Variants in NRXN3 observed in about 807,000 individuals in gnomAD.
NRXN3 encodes neurexin III.
A neutral mutation model predicts 137.6 loss-of-function variants in NRXN3; 32 were observed. That is an observed-to-expected ratio of 0.23 (90% CI 0.18 to 0.31). The LOEUF is 0.31. Ranked by LOEUF, NRXN3 falls within the 10% of genes least tolerant of loss-of-function variation. NRXN3 has a pLI of 1.00. For synonymous variants in NRXN3, 798 were observed against 784.5 expected, an observed-to-expected ratio of 1.02 and a Z score of -0.29; for missense variants, 1,574 against 2,062.5, an observed-to-expected ratio of 0.76 and a Z score of 4.59.
At chr14:78,849,772 T>C (rs1368335337) in intron 10 of NRXN3, among the ~76,000 whole-genome samples, 1 of 152,052 alleles carries the variant, frequency 6.6e-6, no homozygotes, top group Non-Finnish European at 1.5e-5. Flanking sequence ...AGCCAACATG[T>C]TGCTCTTCAA....
At chr14:79,632,309 A>T (rs989820568) in intron 16 of NRXN3, 1 of 156,564 alleles carries the variant, frequency 6.4e-6, no homozygotes, top group Non-Finnish European at 1.4e-5. Context: ...TCTTGAAGTC[A>T]GCGAGACCAA....
intron 15 of NRXN3, among the ~76,000 whole-genome samples, chr14:79,392,621 C>G (rs984430010): frequency 6.6e-6 from 1 of 152,050 alleles, no homozygotes; most frequent in Non-Finnish European, 1.5e-5. Flanking sequence ...TAGAGAAATG[C>G]AAATCAAAAC....
chr14:78,771,309 A>G (rs116162180), intron 8 of NRXN3, among the ~76,000 whole-genome samples: 59 of 152,290 alleles, frequency 3.9e-4, no homozygotes, highest in African/African-American at 1.4e-3. Context: ...GACACCTCAG[A>G]TGGATTCTAG....
At chr14:79,402,102 T>G (rs1317438465) in intron 15 of NRXN3, among the ~76,000 whole-genome samples, 1 of 151,668 alleles carries the variant, frequency 6.6e-6, no homozygotes, top group African/African-American at 2.4e-5. Context: ...TTTATTTTAT[T>G]TTTTTTTATT....
chr14:79,727,638 GC>G (rs1238124326), intron 19 of NRXN3, among the ~76,000 whole-genome samples: 1 of 151,924 alleles, frequency 6.6e-6, no homozygotes, highest in East Asian at 1.9e-4. Context: ...AAACTTTGAG[GC>G]AAAGAAATTG....
chr14:79,066,172 G>A (rs1354746781), intron 15 of NRXN3, among the ~76,000 whole-genome samples: 1 of 152,128 alleles, frequency 6.6e-6, no homozygotes, highest in East Asian at 1.9e-4. Context: ...TGTATGTGGT[G>A]TAAAGAAGAG....
intron 15 of NRXN3, among the ~76,000 whole-genome samples, chr14:79,037,293 A>G (rs1161916635): frequency 2.6e-5 from 4 of 152,114 alleles, no homozygotes; most frequent in African/African-American, 9.7e-5. Context: ...ATGCTCAAAT[A>G]CACAGGCAGA....
At chr14:78,648,738 T>C (rs1365538112) in intron 5 of NRXN3, among the ~76,000 whole-genome samples, 2 of 152,230 alleles carry the variant, frequency 1.3e-5, no homozygotes, top group African/African-American at 4.8e-5. Context: ...TTTATCCACA[T>C]TGTAGTCATA....
intron 4 of NRXN3, among the ~76,000 whole-genome samples, chr14:78,340,969 T>C (rs1460330327): frequency 2.0e-5 from 3 of 152,200 alleles, no homozygotes; most frequent in African/African-American, 7.2e-5. Flanking sequence ...AATAAAAATA[T>C]AGGACACTCG....
intron 16 of NRXN3, among the ~76,000 whole-genome samples, chr14:79,583,678 A>G (rs2097738744): frequency 6.6e-6 from 1 of 152,078 alleles, no homozygotes; most frequent in Non-Finnish European, 1.5e-5. Context: ...AATTCCTCTA[A>G]AATTATTAAA....
chr14:78,676,739 AAGTCAGTGCCTGGCTTTAGAGGAC>A (rs1271934529), intron 6 of NRXN3, among the ~76,000 whole-genome samples: 1 of 152,148 alleles, frequency 6.6e-6, no homozygotes, highest in Non-Finnish European at 1.5e-5. Flanking sequence ...TGGAGAGGGA[AAGTCAGTGCCTGGCTTTAGAGGAC>A]AGGCTAAACT....
chr14:79,552,787 A>T (rs2097387147), intron 16 of NRXN3, among the ~76,000 whole-genome samples: 1 of 152,096 alleles, frequency 6.6e-6, no homozygotes, highest in African/African-American at 2.4e-5. Flanking sequence ...GCTTCAAACA[A>T]AGGTTGTTTT....
At chr14:79,254,219 A>C (rs2076295163) in intron 15 of NRXN3, among the ~76,000 whole-genome samples, 1 of 152,188 alleles carries the variant, frequency 6.6e-6, no homozygotes, top group South Asian at 2.1e-4. Context: ...AGGCTGATCC[A>C]TGCTTCTGTA....
chr14:79,772,842 C>A (rs1419348474), intron 19 of NRXN3, among the ~76,000 whole-genome samples: 1 of 152,106 alleles, frequency 6.6e-6, no homozygotes, highest in Non-Finnish European at 1.5e-5. Flanking sequence ...GAACAGGCAA[C>A]CTACAAAATG....
intron 19 of NRXN3, among the ~76,000 whole-genome samples, chr14:79,767,334 C>T (rs2099059370): frequency 1.3e-5 from 2 of 152,182 alleles, no homozygotes; most frequent in Non-Finnish European, 2.9e-5. Flanking sequence ...ATATGAAATC[C>T]TCTTTTCTTC....
At chr14:79,365,533 C>A (rs1211071722) in intron 15 of NRXN3, among the ~76,000 whole-genome samples, 2 of 150,820 alleles carry the variant, frequency 1.3e-5, no homozygotes, top group Non-Finnish European at 3.0e-5. Flanking sequence ...TCCTGGCTAA[C>A]AAGGTGAAAC....
intron 15 of NRXN3, among the ~76,000 whole-genome samples, chr14:79,186,743 C>G (rs72688934): frequency 0.032 from 4,819 of 152,182 alleles, 105 homozygotes; most frequent in Non-Finnish European, 0.046. Context: ...CCAGCTGTCT[C>G]TTTTGGCTTT....
At chr14:79,475,641 A>T (rs2096553047) in intron 16 of NRXN3, among the ~76,000 whole-genome samples, 1 of 151,874 alleles carries the variant, frequency 6.6e-6, no homozygotes, top group East Asian at 1.9e-4. Context: ...CTCTTGCACA[A>T]CTCCTGGCAT....
intron 15 of NRXN3, chr14:79,201,165 G>T (rs1425955548): frequency 1.3e-5 from 2 of 152,084 alleles, no homozygotes; most frequent in African/African-American, 4.8e-5. Context: ...AGAATGAAAT[G>T]ATGATGACCC....
Sources: allele counts gnomAD v4.1 joint callset (sites outside exome capture counted in the v4.1 genomes callset), GRCh38; gene constraint gnomAD v4.1.1; transcripts MANE v1.5; gene names NCBI Gene and HGNC (gene_info 2026-07-23, HGNC 2026-07-21).